The following COL22A1 variants were observed in gnomAD, a reference collection of about 807,000 sequenced individuals.
COL22A1 encodes collagen type XXII alpha 1 chain, also known as collagen alpha-1(XXII) chain.
Under a neutral mutation model 248.9 loss-of-function variants are expected in COL22A1, and 221 were observed. That is an observed-to-expected ratio of 0.89 (90% CI 0.80 to 0.99). The LOEUF (loss-of-function observed/expected upper bound fraction) is 0.99, where lower values mean the gene tolerates loss of function less well. COL22A1 is among the 50% of genes least tolerant of loss of function. COL22A1 has a pLI of 0.00. For missense variants in COL22A1, 2,240 were observed against 2,179.0 expected (o/e 1.03, Z -0.56); for synonymous variants, 891 against 793.4 (o/e 1.12, Z -2.07).
intron 12 of COL22A1, among the ~76,000 whole-genome samples, chr8:138,795,386 A>G (rs1321667286): frequency 6.6e-6 from 1 of 152,222 alleles, no homozygotes; most frequent in Non-Finnish European, 1.5e-5. Context: ...GGAGGAGCTC[A>G]TTGTGAAATA....
intron 12 of COL22A1, among the ~76,000 whole-genome samples, chr8:138,788,291 C>A (rs543487820): frequency 1.3e-5 from 2 of 152,296 alleles, no homozygotes; most frequent in East Asian, 1.9e-4. Flanking sequence ...GCCAGCATGA[C>A]AAATGCAGGC....
chr8:138,619,376 C>T, intron 53 of COL22A1, 79 bp downstream of exon 53: 1 of 1,364,314 alleles, frequency 7.3e-7, no homozygotes, highest in Non-Finnish European at 1.0e-6. Flanking sequence ...GCAGTCTGGG[C>T]TAGCCCTGCT....
At chr8:138,685,529 C>G (rs542827041) in intron 37 of COL22A1, among the ~76,000 whole-genome samples, 4 of 152,200 alleles carry the variant, frequency 2.6e-5, no homozygotes, top group Non-Finnish European at 4.4e-5. Context: ...CTAACCCCTA[C>G]TACTTCAATG....
At chr8:138,794,212 C>G (rs924812087) in intron 12 of COL22A1, among the ~76,000 whole-genome samples, 5 of 152,128 alleles carry the variant, frequency 3.3e-5, no homozygotes, top group Non-Finnish European at 7.4e-5. Flanking sequence ...CATGGTGAAA[C>G]TCTGTCTCTA....
intron 47 of COL22A1, among the ~76,000 whole-genome samples, chr8:138,642,651 A>G (rs1196965313): frequency 6.6e-6 from 1 of 152,246 alleles, no homozygotes; most frequent in Non-Finnish European, 1.5e-5. Context: ...CACTGCATGC[A>G]GGCTTGGGCT....
chr8:138,714,296 G>A lies in COL22A1; in HGVS notation c.2517+1386C>T, dbSNP rs188223523. Among the ~76,000 whole-genome samples, 1,498 of 152,256 alleles carry A rather than the reference G, an allele frequency of 9.8e-3. 27 individuals carry two copies. The highest frequency in any genetic ancestry group is 0.034 in the African/African-American group (1,404 of 41,552). ...CAAAACACGCTTATGGATACCAGTG[G>A]CTGTTTTCTGTTTGTCCCTTTATAT... On this transcript the variant is annotated intron_variant, in intron 30 of 64. Transcript: ENST00000303045.
chr8:138,736,077 T>C (rs549380332), intron 23 of COL22A1, among the ~76,000 whole-genome samples: 1 of 152,200 alleles, frequency 6.6e-6, no homozygotes, highest in East Asian at 1.9e-4. Flanking sequence ...GCCACATCTG[T>C]CTACCCCCTG....
intron 23 of COL22A1, among the ~76,000 whole-genome samples, chr8:138,730,209 C>G (rs1028974282): frequency 2.0e-5 from 3 of 152,218 alleles, no homozygotes; most frequent in Non-Finnish European, 4.4e-5. Context: ...TGGGAAGATT[C>G]ACACCTTGGA....
At chr8:138,735,487 C>T (rs111712859) in intron 23 of COL22A1, among the ~76,000 whole-genome samples, 3,081 of 152,176 alleles carry the variant, frequency 0.02, 90 homozygotes, top group African/African-American at 0.067. Flanking sequence ...AATGAAAGAA[C>T]GAAATCTCTT....
At position 138,802,906 on chromosome 8, in the gene COL22A1, C is replaced by A; in HGVS notation, c.1523G>T (p.Gly508Val). The A allele has an allele frequency of 6.2e-7, 1 of 1,614,052 alleles. No homozygotes were observed. Among genetic ancestry groups the A allele is most frequent in the South Asian group, 1.1e-5 (1 of 91,084 alleles). ...TTTCTCTCCCTTAGGTCCAGGAGCG[C>A]CAACCGGCCCAATGGCTCCTATGTC... ...KGDIGAIGPV[G>V]APGPKGEKGD... Residue 508 changes from glycine (G) to valine (V), a missense_variant, in exon 11 of 65, where the codon GGC (glycine) becomes GTC (valine). Transcript: ENST00000303045.
chr8:138,795,249 C>T (rs16909640), intron 12 of COL22A1, among the ~76,000 whole-genome samples: 3,293 of 152,092 alleles, frequency 0.022, 59 homozygotes, highest in African/African-American at 0.046. Context: ...CAGAGAGTGG[C>T]GGAATGGAGA....
intron 33 of COL22A1, 54 bp from the exon 34 acceptor site, chr8:138,694,615 T>A: frequency 6.3e-7 from 1 of 1,582,504 alleles, no homozygotes; most frequent in Non-Finnish European, 8.7e-7. Flanking sequence ...TCTGAGCAGA[T>A]GGGCGGATGG....
intron 37 of COL22A1, among the ~76,000 whole-genome samples, 176 bp from the exon 38 acceptor site, chr8:138,685,488 T>C (rs1399443076): frequency 1.3e-5 from 2 of 152,178 alleles, no homozygotes; most frequent in East Asian, 3.9e-4. Flanking sequence ...ATAGGTTACA[T>C]TGTGTTCCCC....
At chr8:138,786,576 C>G (rs1815535673) in intron 12 of COL22A1, among the ~76,000 whole-genome samples, 1 of 152,182 alleles carries the variant, frequency 6.6e-6, no homozygotes, top group Non-Finnish European at 1.5e-5. Context: ...AATTCCCCAG[C>G]TGGACTCATC....
chr8:138,620,980 T>C (rs911806013), intron 52 of COL22A1, among the ~76,000 whole-genome samples: 5 of 126,174 alleles, frequency 4.0e-5, no homozygotes, highest in African/African-American at 1.1e-4. Context: ...CATCCATCCA[T>C]CCATCCATCC....
At chr8:138,795,026 TAA>T (rs1381977162) in intron 12 of COL22A1, among the ~76,000 whole-genome samples, 1 of 152,066 alleles carries the variant, frequency 6.6e-6, no homozygotes, top group Non-Finnish European at 1.5e-5. Flanking sequence ...ACTGCACACT[TAA>T]AAGTTTGTTA....
intron 12 of COL22A1, among the ~76,000 whole-genome samples, chr8:138,784,757 A>G (rs1018218157): frequency 2.0e-5 from 3 of 152,174 alleles, no homozygotes; most frequent in Non-Finnish European, 4.4e-5. Context: ...CAACAGTTCT[A>G]TGAAAGAGAC....
chr8:138,639,590 C>T (rs561477254), intron 47 of COL22A1, among the ~76,000 whole-genome samples: 20 of 152,310 alleles, frequency 1.3e-4, no homozygotes, highest in South Asian at 8.3e-4. Flanking sequence ...AAAGAAACTT[C>T]GCCCCACTCA....
At chr8:138,819,525 A>G (rs779066928) in intron 7 of COL22A1, among the ~76,000 whole-genome samples, 14 of 150,324 alleles carry the variant, frequency 9.3e-5, no homozygotes, top group Non-Finnish European at 2.1e-4. Flanking sequence ...CATTATACAC[A>G]TATATTTTAT....
Sources: allele counts gnomAD v4.1 joint callset (sites outside exome capture counted in the v4.1 genomes callset), GRCh38; gene constraint gnomAD v4.1.1; transcripts MANE v1.5; gene names NCBI Gene and HGNC (gene_info 2026-07-23, HGNC 2026-07-21).